The following FAM185A variants were observed in gnomAD, a reference collection of about 807,000 sequenced individuals.
FAM185A encodes the protein family with sequence similarity 185 member A, also known as protein FAM185A.
Under a neutral mutation model 45.7 loss-of-function variants are expected in FAM185A, and 21 were observed. The ratio of observed to expected loss-of-function variants is 0.46; its 90% CI spans 0.33 to 0.66. FAM185A has a LOEUF of 0.66. Among genes scored for constraint, FAM185A ranks in the 30% least tolerant of loss-of-function variants. The pLI, the probability that FAM185A is intolerant of heterozygous loss-of-function variation, is 0.03. For missense variants in FAM185A, 305 were observed against 485.4 expected (o/e 0.63, Z 3.49); for synonymous variants, 117 against 194.0 (o/e 0.60, Z 3.30).
At chr7:102,792,880 A>G (rs1021955617) in intron 7 of FAM185A, among the ~76,000 whole-genome samples, 2 of 152,208 alleles carry the variant, frequency 1.3e-5, no homozygotes, top group African/African-American at 4.8e-5. Flanking sequence ...GGGTTGGAAG[A>G]GGTTGAAATG....
chr7:102,793,810 G>T (rs1429219197), intron 7 of FAM185A, among the ~76,000 whole-genome samples: 1 of 151,800 alleles, frequency 6.6e-6, no homozygotes, highest in African/African-American at 2.4e-5. Context: ...AAGCCGAGGT[G>T]GGTGGATCAC....
chr7:102,789,873 C>T (rs886242750), intron 7 of FAM185A, among the ~76,000 whole-genome samples: 2 of 152,062 alleles, frequency 1.3e-5, no homozygotes, highest in African/African-American at 4.8e-5. Context: ...ACTTTTTAAA[C>T]TTTGTTAAAA....
At position 102,800,653 on chromosome 7, in the gene FAM185A, G is replaced by A. The variant is rs188159451; in HGVS notation, c.1067-7637G>A. Among the ~76,000 whole-genome samples, 690 of 152,228 alleles carry A rather than the reference G, an allele frequency of 4.5e-3. 7 individuals carry two copies. Among genetic ancestry groups the A allele is most frequent in the African/African-American group, 0.015 (636 of 41,536 alleles). On this transcript the variant is annotated intron_variant, in intron 7 of 7. Transcript: ENST00000413034. ...AGTAGAAGAGAGAAAATAAGAGCTC[G>A]AAGACAAGGTCTTTGAATTAACCCA...
chr7:102,832,904 A>G, the FAM185A span: 1 of 1,614,222 alleles, frequency 6.2e-7, no homozygotes, highest in South Asian at 1.1e-5. Flanking sequence ...TGCTTTGATA[A>G]TCATATCTGA....
intron 5 of FAM185A, among the ~76,000 whole-genome samples, chr7:102,774,673 AAC>A (rs1385404686): frequency 6.6e-6 from 1 of 152,170 alleles, no homozygotes; most frequent in African/African-American, 2.4e-5. Context: ...AATTTTGTCA[AAC>A]ACATTTCCTG....
the FAM185A span, among the ~76,000 whole-genome samples, chr7:102,848,732 A>G: frequency 1.3e-5 from 2 of 151,968 alleles, no homozygotes; most frequent in Non-Finnish European, 2.9e-5. Flanking sequence ...GGCGCCTCAC[A>G]CCCATAATTC....
chr7:102,844,174 C>T, the FAM185A span, among the ~76,000 whole-genome samples: 1 of 152,182 alleles, frequency 6.6e-6, no homozygotes, highest in African/African-American at 2.4e-5. Context: ...GATGAACTGT[C>T]TCTGTTAGAG....
the FAM185A span, among the ~76,000 whole-genome samples, chr7:102,815,425 A>C: frequency 4.1e-3 from 618 of 152,252 alleles, 5 homozygotes; most frequent in African/African-American, 0.014. Flanking sequence ...TTACACCAAG[A>C]AGGGAAGTCC....
chr7:102,775,660 GT>G (rs1219067432), intron 5 of FAM185A, among the ~76,000 whole-genome samples: 3 of 151,822 alleles, frequency 2.0e-5, no homozygotes, highest in Admixed American at 1.3e-4. Context: ...AATTGTGTGT[GT>G]TTTTTTTCCC....
intron 6 of FAM185A, among the ~76,000 whole-genome samples, chr7:102,785,410 C>T (rs11505712): frequency 0.014 from 2,171 of 149,726 alleles, 55 homozygotes; most frequent in African/African-American, 0.051. Flanking sequence ...GGAGGCATCA[C>T]GCTACCTGAC....
At chr7:102,834,578 T>C in the FAM185A span, 1 of 151,622 alleles carries the variant, frequency 6.6e-6, no homozygotes, top group Non-Finnish European at 1.5e-5. Context: ...GCTTGGCACA[T>C]AGTAAGCACC....
At chr7:102,783,160 G>C (rs1026220641) in intron 6 of FAM185A, among the ~76,000 whole-genome samples, 3 of 151,020 alleles carry the variant, frequency 2.0e-5, no homozygotes, top group African/African-American at 7.3e-5. Context: ...CAAGTCCTTA[G>C]AGACCTACAA....
At chr7:102,817,209 T>C in the FAM185A span, among the ~76,000 whole-genome samples, 1 of 152,358 alleles carries the variant, frequency 6.6e-6, no homozygotes, top group African/African-American at 2.4e-5. Context: ...GCTGACCTAA[T>C]TTACATTCCC....
chr7:102,817,512 C>T, the FAM185A span, among the ~76,000 whole-genome samples: 1 of 152,050 alleles, frequency 6.6e-6, no homozygotes. Flanking sequence ...AGACCTTTGT[C>T]GGATGCATAA....
At chr7:102,804,738 A>G (rs1425899348) in intron 7 of FAM185A, among the ~76,000 whole-genome samples, 1 of 152,216 alleles carries the variant, frequency 6.6e-6, no homozygotes, top group Non-Finnish European at 1.5e-5. Flanking sequence ...TCAGCAGAGT[A>G]AACAGACAAC....
At chr7:102,757,967 T>TC (rs1793864749) in intron 3 of FAM185A, 21 bp downstream of exon 3, 1 of 1,542,556 alleles carries the variant, frequency 6.5e-7, no homozygotes, top group South Asian at 1.2e-5. Context: ...AACTTTCTTT[T>TC]TTTTTTTAGT....
the FAM185A span, among the ~76,000 whole-genome samples, chr7:102,818,670 A>G: frequency 6.6e-6 from 1 of 152,226 alleles, no homozygotes. Flanking sequence ...CAGGAATTTC[A>G]TACTGTGATT....
chr7:102,765,878 T>A (rs1794359203), intron 4 of FAM185A, among the ~76,000 whole-genome samples: 1 of 151,938 alleles, frequency 6.6e-6, no homozygotes, highest in African/African-American at 2.4e-5. Flanking sequence ...TGTGTTTAGA[T>A]GTAAAATTTT....
Position 102,757,912 on chromosome 7 carries a change from A to C in FAM185A, c.620A>C (p.Tyr207Ser). 6.5e-7 allele frequency: 1 copy of C among 1,535,668 alleles called. No individual in the cohort carries two copies. Among genetic ancestry groups the C allele is most frequent in the Non-Finnish European group, 8.8e-7 (1 of 1,142,788 alleles). Reference sequence around the variant, plus strand: ...AAAGTGATCTGTCTGGGAACAGTTTATGGAAATATAGATATTCATGCATCA... The same window carrying C: ...AAAGTGATCTGTCTGGGAACAGTTTCTGGAAATATAGATATTCATGCATCA... ...GGKVICLGTV[Y>S]GNIDIHASDK... The change falls in exon 3 of 8, where the codon TAT becomes TCT. Residue 207 changes from tyrosine (Y) to serine (S), a missense_variant. Transcript: ENST00000413034.
Sources: gnomAD v4.1 joint callset for allele counts (sites outside exome capture counted in the v4.1 genomes callset) on GRCh38, gnomAD v4.1.1 for gene constraint, MANE v1.5 for transcripts, NCBI Gene and HGNC (gene_info 2026-07-23, HGNC 2026-07-21) for gene names.